EML2: variants seen among roughly 807,000 people sequenced by gnomAD.
EML2 encodes EMAP like 2, also known as echinoderm microtubule-associated protein-like 2.
In EML2, 59 loss-of-function variants were observed where a neutral mutation model predicts 84.7. The observed-to-expected ratio is 0.70, with a 90% confidence interval of 0.56 to 0.86. The LOEUF (loss-of-function observed/expected upper bound fraction) is 0.86, where lower values mean the gene tolerates loss of function less well. Among genes scored for constraint, EML2 ranks in the 40% least tolerant of loss-of-function variants. The pLI is 0.00. For synonymous variants in EML2, 352 were observed against 348.9 expected (o/e 1.01, Z -0.10); for missense variants, 818 against 855.6 (o/e 0.96, Z 0.55).
upstream of EML2, chr19:45,641,873 C>T (rs1018230486): frequency 6.8e-7 from 1 of 1,468,444 alleles, no homozygotes; most frequent in African/African-American, 1.4e-5. Flanking sequence ...CTCTGTCTCC[C>T]ACGAGGTCTT....
intron 1 of EML2, 189 bp downstream of exon 1, chr19:45,639,168 G>T: frequency 1.5e-6 from 1 of 672,936 alleles, no homozygotes; most frequent in Non-Finnish European, 2.5e-6. Flanking sequence ...TCAGCAAGGT[G>T]CTCCCCAGCG....
upstream of EML2, chr19:45,642,102 C>T (rs1353639853): frequency 6.8e-7 from 1 of 1,463,590 alleles, no homozygotes; most frequent in South Asian, 1.4e-5. Flanking sequence ...CCCGGTCCTC[C>T]CCATCCCACC....
chr19:45,616,520 C>T lies in EML2; in HGVS notation c.1450G>A (p.Val484Met). Residue 484 changes from valine to methionine, a missense_variant, in exon 15 of 19, where the codon GTG (valine) becomes ATG (methionine). Physicochemically the swap from Val to Met is conservative, Grantham distance 21. Coordinates refer to ENST00000245925, the MANE Select transcript of EML2 (RefSeq NM_012155.4). ...YLAVGSHDNL[V>M]YVYTVDQGGR... ...CCCTGGTCCACCGTGTACACGTACA[C>T]CAAGTTGTCGTGGGAGCCCACGGCC... is the stretch of plus-strand genomic sequence containing the variant. 2 of 1,610,794 alleles carry T rather than the reference C, an allele frequency of 1.2e-6. No homozygotes were observed. Among genetic ancestry groups the T allele is most frequent in the Non-Finnish European group, 1.7e-6 (2 of 1,177,812 alleles).
intron 8 of EML2, among the ~76,000 whole-genome samples, chr19:45,625,484 C>T (rs925704916): frequency 6.6e-6 from 1 of 152,150 alleles, no homozygotes; most frequent in African/African-American, 2.4e-5. Flanking sequence ...TCAAGTGATC[C>T]ACCCGCCTCG....
intron 3 of EML2, among the ~76,000 whole-genome samples, chr19:45,636,068 T>G (rs565175458): frequency 1.3e-5 from 2 of 152,266 alleles, no homozygotes; most frequent in African/African-American, 2.4e-5. Context: ...TCTCCTGGGC[T>G]TAAGTGATCC....
At chr19:45,628,867 A>ATAAG (rs2122725549) in intron 7 of EML2, 1 of 151,844 alleles carries the variant, frequency 6.6e-6, no homozygotes, top group South Asian at 2.1e-4. Context: ...AAATAAATAA[A>ATAAG]TAAATAGAAC....
chr19:45,642,442 G>A (rs769205014), upstream of EML2: 6 of 1,465,900 alleles, frequency 4.1e-6, no homozygotes, highest in South Asian at 1.4e-5. Context: ...TAAGCGGGGG[G>A]CCAGCCACGC....
At chr19:45,629,254 G>A (rs8102440) in intron 7 of EML2, among the ~76,000 whole-genome samples, 6 of 151,582 alleles carry the variant, frequency 4.0e-5, no homozygotes, top group East Asian at 1.9e-4. Context: ...CTTAGCCTCC[G>A]AAGTAGCTGG....
chr19:45,624,717 A>C lies in EML2; in HGVS notation c.841+2T>G. On this transcript the variant is annotated splice_donor_variant, in intron 9 of 18. Coordinates refer to ENST00000245925, the MANE Select transcript of EML2 (RefSeq NM_012155.4). LOFTEE classifies it high-confidence loss of function. ...GAACCAAACAGATGGGGTGACACTG[A>C]CCTTTGCCCCAAACATAGAGGTTCC... The C allele has an allele frequency of 6.2e-7, 1 of 1,612,320 alleles. No homozygotes were observed. The highest frequency in any genetic ancestry group is 8.5e-7 in the Non-Finnish European group (1 of 1,178,742).
rs1600049562 is a variant in EML2, at chr19:45,610,471, TG to T, written c.1825-684del. 2.0e-5 allele frequency among the ~76,000 whole-genome samples: 3 copies of T among 149,142 alleles called. No individual in the cohort carries two copies. In the East Asian group the frequency reaches 6.1e-4, roughly 30 times the overall value. ...ATCCCAGCACTTTGGGAGGCCGAGG[TG>T]GGGGTGGATCACTTGAGGTCAGGAG... On this transcript the variant is annotated intron_variant, in intron 18 of 18. Coordinates refer to ENST00000245925, the MANE Select transcript of EML2 (RefSeq NM_012155.4).
At chr19:45,624,684 T>C in intron 9 of EML2, 35 bp downstream of exon 9, 3 of 1,536,928 alleles carry the variant, frequency 2.0e-6, no homozygotes, top group Non-Finnish European at 2.7e-6. Context: ...TTCAGAAGAC[T>C]GGATTGGGAA....
chr19:45,615,590 T>C (rs1600083570), intron 16 of EML2, among the ~76,000 whole-genome samples: 1 of 151,436 alleles, frequency 6.6e-6, no homozygotes, highest in Non-Finnish European at 1.5e-5. Flanking sequence ...GAAACCTGCA[T>C]CCTACCCATC....
At chr19:45,643,873 C>T (rs1974823247), upstream of EML2, 2 of 1,019,598 alleles carry the variant, frequency 2.0e-6, no homozygotes, top group Admixed American at 3.0e-5. Flanking sequence ...AGGAGTGAGC[C>T]GTCAGGACTT....
At chr19:45,614,149 C>T (rs1013709829) in intron 17 of EML2, among the ~76,000 whole-genome samples, 6 of 152,218 alleles carry the variant, frequency 3.9e-5, no homozygotes, top group Non-Finnish European at 8.8e-5. Flanking sequence ...CCCTGATTCC[C>T]TCCAAGAGTA....
intron 3 of EML2, among the ~76,000 whole-genome samples, chr19:45,635,367 G>A (rs992226201): frequency 1.3e-5 from 2 of 151,928 alleles, no homozygotes; most frequent in African/African-American, 4.8e-5. Context: ...TCCAACTCCT[G>A]ACCTCAGGTG....
chr19:45,622,292 C>T (rs986246164), intron 9 of EML2, among the ~76,000 whole-genome samples: 2 of 152,096 alleles, frequency 1.3e-5, no homozygotes, highest in Non-Finnish European at 2.9e-5. Context: ...GACTATCTAT[C>T]CATCCATCAC....
upstream of EML2, among the ~76,000 whole-genome samples, chr19:45,639,735 T>G (rs1176809757): frequency 6.6e-6 from 1 of 152,168 alleles, no homozygotes; most frequent in African/African-American, 2.4e-5. Flanking sequence ...GGCTCATGCC[T>G]GTAATCCCAG....
intron 6 of EML2, among the ~76,000 whole-genome samples, chr19:45,632,331 C>T (rs572456828): frequency 2.6e-5 from 4 of 151,960 alleles, no homozygotes; most frequent in Admixed American, 2.6e-4. Flanking sequence ...GGGACGCCAC[C>T]ACCTCAGACT....
chr19:45,631,428 T>C (rs1973015257), intron 6 of EML2, among the ~76,000 whole-genome samples: 1 of 151,818 alleles, frequency 6.6e-6, no homozygotes, highest in Non-Finnish European at 1.5e-5. Context: ...TATCTATCTA[T>C]ATATTTTTGA....
Sources: gnomAD v4.1 joint callset for allele counts (sites outside exome capture counted in the v4.1 genomes callset) on GRCh38, gnomAD v4.1.1 for gene constraint, MANE v1.5 for transcripts, NCBI Gene and HGNC (gene_info 2026-07-23, HGNC 2026-07-21) for gene names.